The following MZT1 variants were observed in gnomAD, a reference collection of about 807,000 sequenced individuals.
The protein encoded by MZT1 is mitotic-spindle organizing protein 1.
MZT1 carries 8 observed loss-of-function variants against 8.5 expected under a neutral mutation model. That is an observed-to-expected ratio of 0.94 (90% confidence interval 0.55 to 1.70). The LOEUF (loss-of-function observed/expected upper bound fraction) is 1.70. Ranked by LOEUF, MZT1 falls within the 40% of genes most tolerant of loss-of-function variation. The pLI is 0.00. For synonymous variants in MZT1, 38 were observed against 42.0 expected (o/e 0.90, Z 0.37); for missense variants, 93 against 108.6 (o/e 0.86, Z 0.64).
chr13:72,724,539 G>GTTTTTT (rs201616341), intron 1 of MZT1, among the ~76,000 whole-genome samples: 1 of 111,482 alleles, frequency 9.0e-6, no homozygotes, highest in Non-Finnish European at 1.9e-5. Flanking sequence ...TCTATAACGT[G>GTTTTTT]TTTTTTTTTT....
intron 1 of MZT1, among the ~76,000 whole-genome samples, chr13:72,722,075 C>T (rs904647228): frequency 1.3e-5 from 2 of 152,152 alleles, no homozygotes; most frequent in Non-Finnish European, 2.9e-5. Flanking sequence ...TTCCTGCCTT[C>T]GTCTATTTAA....
chr13:72,712,952 A>G (rs1366131012), intron 2 of MZT1, among the ~76,000 whole-genome samples: 4 of 152,250 alleles, frequency 2.6e-5, no homozygotes, highest in Non-Finnish European at 5.9e-5. Context: ...CTGATAAAAT[A>G]CTATAATACT....
rs2138002636 is a variant in MZT1, at chr13:72,708,685, G to A, written c.*1637C>T. 6.6e-6 allele frequency: 1 copy of A among 152,226 alleles called. No individual in the cohort carries two copies. Among genetic ancestry groups the A allele is most frequent in the Non-Finnish European group, 1.5e-5 (1 of 67,998 alleles). 9.4% of individuals were successfully genotyped at this position (152,226 alleles called of 1,614,324 possible). A position where few individuals can be genotyped will look rare whatever the true frequency, so the allele number is the denominator to read the frequency against. ...ATTTTATAAATAACACATAGTATTT[G>A]TAGTGTTGATTATAAATCAAATGAC... On this transcript the variant is annotated 3_prime_UTR_variant, in exon 3 of 3. Coordinates refer to ENST00000377818, the MANE Select transcript of MZT1 (RefSeq NM_001071775.3).
chr13:72,723,676 C>A (rs1225608968), intron 1 of MZT1, among the ~76,000 whole-genome samples: 6 of 152,122 alleles, frequency 3.9e-5, no homozygotes, highest in African/African-American at 1.4e-4. Context: ...AAAACATGGT[C>A]CCAAGGTTTT....
At chr13:72,715,683 A>G (rs183883393) in intron 2 of MZT1, among the ~76,000 whole-genome samples, 4 of 152,234 alleles carry the variant, frequency 2.6e-5, no homozygotes, top group African/African-American at 4.8e-5. Context: ...GTACTCGCTA[A>G]AGTGAGTGAA....
At chr13:72,710,461 A>T (rs2032477873) in intron 2 of MZT1, 116 bp from the exon 3 acceptor site, 1 of 915,530 alleles carries the variant, frequency 1.1e-6, no homozygotes, top group Non-Finnish European at 1.8e-6. Context: ...ATAAAACAGA[A>T]CCACTTTTAT....
intron 2 of MZT1, 60 bp downstream of exon 2, chr13:72,718,892 T>G: frequency 1.4e-6 from 2 of 1,456,464 alleles, no homozygotes; most frequent in Non-Finnish European, 1.8e-6. Flanking sequence ...AACTTCATCA[T>G]TAATCATTTT....
At position 72,708,428 on chromosome 13, in the gene MZT1, T is replaced by C. The variant is rs2032452423; in HGVS notation, c.*1894A>G. ...AAGCACAACACTGCAATTGTATCAT[T>C]ATTTTGTTTAGTTTCTTAAATATTA... On this transcript the variant is annotated 3_prime_UTR_variant, in exon 3 of 3. Coordinates refer to ENST00000377818, the MANE Select transcript of MZT1 (RefSeq NM_001071775.3). 1 of 152,644 alleles carries C rather than the reference T, an allele frequency of 6.6e-6. No individual in the cohort carries two copies. The highest frequency in any genetic ancestry group is 2.4e-5 in the African/African-American group (1 of 41,456). The allele number at this position is 152,644 out of a possible 1,614,324, so 9.5% of individuals were successfully genotyped here. A position where few individuals can be genotyped will look rare whatever the true frequency, so the allele number is the denominator to read the frequency against.
intron 1 of MZT1, among the ~76,000 whole-genome samples, chr13:72,723,313 G>C (rs1213853365): frequency 3.3e-5 from 5 of 151,916 alleles, no homozygotes; most frequent in African/African-American, 9.7e-5. Flanking sequence ...TTCACAAATC[G>C]CCTGTAATCA....
At chr13:72,723,265 C>T (rs780932977) in intron 1 of MZT1, among the ~76,000 whole-genome samples, 3 of 152,192 alleles carry the variant, frequency 2.0e-5, no homozygotes, top group Non-Finnish European at 4.4e-5. Context: ...CTTCTTTAAG[C>T]CTTCTTTTCA....
At chr13:72,722,775 T>C (rs780030604) in intron 1 of MZT1, among the ~76,000 whole-genome samples, 3 of 152,198 alleles carry the variant, frequency 2.0e-5, no homozygotes, top group Non-Finnish European at 4.4e-5. Flanking sequence ...CTCCTTTCTT[T>C]TGGGGGGAAA....
intron 1 of MZT1, among the ~76,000 whole-genome samples, chr13:72,725,410 A>G (rs1047798546): frequency 6.6e-6 from 1 of 152,216 alleles, no homozygotes; most frequent in African/African-American, 2.4e-5. Flanking sequence ...GCTTCCTTCC[A>G]TGTCTTTAAC....
chr13:72,711,804 G>A (rs889494082), intron 2 of MZT1, among the ~76,000 whole-genome samples: 39 of 152,098 alleles, frequency 2.6e-4, no homozygotes, highest in Admixed American at 1.1e-3. Flanking sequence ...TCAAGGAAAG[G>A]CAGGTGTGGC....
intron 1 of MZT1, among the ~76,000 whole-genome samples, chr13:72,719,342 CTTGT>C (rs1194845162): frequency 2.6e-5 from 4 of 152,170 alleles, no homozygotes; most frequent in African/African-American, 9.7e-5. Flanking sequence ...TATTCTAGCA[CTTGT>C]TTAATATCTA....
At chr13:72,725,063 A>G (rs1566215023) in intron 1 of MZT1, among the ~76,000 whole-genome samples, 1 of 151,692 alleles carries the variant, frequency 6.6e-6, no homozygotes, top group African/African-American at 2.4e-5. Flanking sequence ...AAAAAAAAAA[A>G]AAAATAGTGC....
In MZT1 at chr13:72,724,752, A is replaced by ATATATATATATGTGTGTGTG. The variant is rs1180726488; in HGVS notation, c.79+2771_79+2772insCACACACACATATATATATA. On this transcript the variant is annotated intron_variant, in intron 1 of 2. Coordinates refer to ENST00000377818, the MANE Select transcript of MZT1 (RefSeq NM_001071775.3). ...TATATATATATATACACATATATAT[A>ATATATATATATGTGTGTGTG]TGTAAAGTGGTGCTACAGGCCGGGC... 2.8e-3 allele frequency among the ~76,000 whole-genome samples: 162 copies of ATATATATATATGTGTGTGTG among 56,852 alleles called. 35 individuals carry two copies. The highest frequency in any genetic ancestry group is 3.2e-3 in the Non-Finnish European group (86 of 26,822). The allele number at this position is 56,852 out of a possible 152,430, so 37.3% of individuals were successfully genotyped here.
At chr13:72,717,320 C>T (rs57405103) in intron 2 of MZT1, among the ~76,000 whole-genome samples, 24,665 of 150,594 alleles carry the variant, frequency 0.16, 2,365 homozygotes, top group East Asian at 0.43. Context: ...CACAATTCAG[C>T]CACAATCTGT....
At chr13:72,726,639 G>T (rs1005028221) in intron 1 of MZT1, among the ~76,000 whole-genome samples, 1 of 151,336 alleles carries the variant, frequency 6.6e-6, no homozygotes, top group South Asian at 2.1e-4. Flanking sequence ...ACAAGAGAGA[G>T]GCCATCTGAA....
At chr13:72,718,774 C>T (rs1012781144) in intron 2 of MZT1, among the ~76,000 whole-genome samples, 178 bp downstream of exon 2, 6 of 152,022 alleles carry the variant, frequency 3.9e-5, no homozygotes, top group Admixed American at 1.3e-4. Flanking sequence ...CCACTGCGCC[C>T]GGCCTAGTAG....
Sources: gnomAD v4.1 joint callset for allele counts (sites outside exome capture counted in the v4.1 genomes callset) on GRCh38, gnomAD v4.1.1 for gene constraint, MANE v1.5 for transcripts, NCBI Gene and HGNC (gene_info 2026-07-23, HGNC 2026-07-21) for gene names.